Variants in PES1 observed in about 807,000 individuals in gnomAD.
The protein encoded by PES1 is pescadillo homolog.
In PES1, 31 loss-of-function variants were observed where a neutral mutation model predicts 77.1. The ratio of observed to expected loss-of-function variants is 0.40; its 90% confidence interval spans 0.30 to 0.54. PES1 has a LOEUF of 0.54. Ranked by LOEUF, PES1 falls within the 20% of genes least tolerant of loss-of-function variation. The pLI is 0.45. For missense variants in PES1, 658 were observed against 771.7 expected, an observed-to-expected ratio of 0.85 and a Z score of 1.75; for synonymous variants, 282 against 303.0, an observed-to-expected ratio of 0.93 and a Z score of 0.72.
intron 2 of PES1, among the ~76,000 whole-genome samples, chr22:30,599,483 C>T (rs1036673997): frequency 6.6e-6 from 1 of 152,096 alleles, no homozygotes; most frequent in Admixed American, 6.5e-5. Context: ...GAGTTATCAA[C>T]AAAATAAGTA....
chr22:30,606,728 T>A (rs1418295658), intron 1 of PES1: 54 of 47,864 alleles, frequency 1.1e-3, no homozygotes, highest in East Asian at 1.3e-3. Context: ...ACTGCCCAAC[T>A]CCCCCACCCC....
exon 1 of PES1, chr22:30,607,004 C>G: frequency 3.2e-6 from 2 of 619,420 alleles, no homozygotes; most frequent in Non-Finnish European, 4.9e-6. Flanking sequence ...GCGCTGGTCC[C>G]GGGCTCTTTA....
At chr22:30,577,674 G>T (rs1188705296) in intron 14 of PES1, among the ~76,000 whole-genome samples, 2 of 151,544 alleles carry the variant, frequency 1.3e-5, no homozygotes, top group Non-Finnish European at 2.9e-5. Flanking sequence ...TTTTTTTTGG[G>T]GGGTAGAGAC....
intron 2 of PES1, among the ~76,000 whole-genome samples, chr22:30,600,934 G>A (rs764129259): frequency 5.9e-5 from 9 of 151,984 alleles, no homozygotes; most frequent in Non-Finnish European, 1.2e-4. Context: ...TGGCTGGATC[G>A]ATCTCTCTCT....
Position 30,581,119 on chromosome 22 carries a change from G to A in PES1, c.823-18C>T, listed in dbSNP as rs1201046465. On this transcript the variant is annotated intron_variant, in intron 8 of 14. Transcript: ENST00000354694. ...GCCAGTTTCTACAGGAGAGAAGGGGGCTGCTTGCAGTGGGGGACCTCATGC... is the reference window on the plus strand; with the variant it reads ...GCCAGTTTCTACAGGAGAGAAGGGGACTGCTTGCAGTGGGGGACCTCATGC... The A allele has an allele frequency of 2.5e-6, 4 of 1,589,340 alleles. No individual in the cohort carries two copies. The highest frequency in any genetic ancestry group is 1.3e-5 in the African/African-American group (1 of 74,578).
upstream of PES1, among the ~76,000 whole-genome samples, chr22:30,594,745 G>A (rs1284854506): frequency 6.6e-6 from 1 of 151,994 alleles, no homozygotes; most frequent in African/African-American, 2.4e-5. Flanking sequence ...GAGTGGGGAG[G>A]ATCACTTGAG....
chr22:30,580,556 C>T lies in PES1; in HGVS notation c.1043+15G>A. On this transcript the variant is annotated intron_variant, in intron 10 of 14. Transcript: ENST00000354694. ...GCCGAACCAATGCTGTCAGCGGGCC[C>T]TTGAGCCTCCCTACCTGATGATGAA... The T allele has an allele frequency of 2.5e-6, 4 of 1,613,572 alleles. No homozygotes were observed. The highest frequency in any genetic ancestry group is 2.5e-6 in the Non-Finnish European group (3 of 1,179,884).
At position 30,588,110 on chromosome 22, in the gene PES1, C is replaced by A; in HGVS notation, c.169G>T (p.Gly57Cys). ...EPKHKKKVNK[G>C]STAARTFYLI... ...TAAAACGTTCGGGCTGCTGTAGAAC[C>A]CTTGTTAACCTTCTTCTTGTGTTTG... Residue 57 changes from glycine to cysteine, a missense_variant, in exon 3 of 15, where the codon GGT becomes TGT. Transcript: ENST00000354694. 6.2e-7 allele frequency: 1 copy of A among 1,614,164 alleles called. No individual in the cohort carries two copies. The highest frequency in any genetic ancestry group is 8.5e-7 in the Non-Finnish European group (1 of 1,180,034).
intron 2 of PES1, among the ~76,000 whole-genome samples, chr22:30,600,404 C>T (rs2087337318): frequency 6.6e-6 from 1 of 152,150 alleles, no homozygotes; most frequent in Non-Finnish European, 1.5e-5. Context: ...AACTCTTGGC[C>T]AGGCGTGGTG....
intron 6 of PES1, among the ~76,000 whole-genome samples, 165 bp from the exon 7 acceptor site, chr22:30,581,809 C>T (rs1374175822): frequency 6.6e-6 from 1 of 152,200 alleles, no homozygotes; most frequent in Non-Finnish European, 1.5e-5. Flanking sequence ...TGGCATGGAT[C>T]TTCCCACCAG....
Position 30,580,700 on chromosome 22 carries a change from T to C in PES1, c.914A>G (p.Glu305Gly). Residue 305 changes from glutamate to glycine, a missense_variant and splice_region_variant, in exon 10 of 15, where the codon GAG becomes GGG. Glu to Gly is a moderately conservative substitution (Grantham distance 98). Coordinates refer to ENST00000354694, the MANE Select transcript of PES1 (RefSeq NM_014303.4). ...AEVDEFPTDGEMSAQEEDRRK... is the reference protein window; with the variant it reads ...AEVDEFPTDGGMSAQEEDRRK... ...GCGGTCTTCCTCCTGCGCTGACATCTCCTGTTGAGAAAGGGGCCAGGCCTC... is the reference window on the plus strand; with the variant it reads ...GCGGTCTTCCTCCTGCGCTGACATCCCCTGTTGAGAAAGGGGCCAGGCCTC... 3 of 1,613,086 alleles carry C rather than the reference T, an allele frequency of 1.9e-6. No individual in the cohort carries two copies. The highest frequency in any genetic ancestry group is 2.5e-6 in the Non-Finnish European group (3 of 1,179,990).
upstream of PES1, among the ~76,000 whole-genome samples, chr22:30,595,123 T>G (rs763296932): frequency 1.3e-5 from 2 of 152,204 alleles, no homozygotes; most frequent in African/African-American, 2.4e-5. Flanking sequence ...TTCCTCCTGT[T>G]GCCCTGGACA....
intron 1 of PES1, among the ~76,000 whole-genome samples, chr22:30,590,677 G>GT (rs1300313204): frequency 6.6e-6 from 1 of 152,168 alleles, no homozygotes; most frequent in Non-Finnish European, 1.5e-5. Context: ...GTGCTGGGGG[G>GT]AGGAGAGTTC....
chr22:30,580,290 C>T, intron 10 of PES1, 112 bp from the exon 11 acceptor site: 2 of 1,341,018 alleles, frequency 1.5e-6, no homozygotes, highest in Non-Finnish European at 2.0e-6. Context: ...CCTCTTAGGA[C>T]ACAATTACCC....
At chr22:30,581,985 C>T (rs181089439) in intron 6 of PES1, among the ~76,000 whole-genome samples, 2 of 152,348 alleles carry the variant, frequency 1.3e-5, no homozygotes, top group East Asian at 1.9e-4. Context: ...CTCCCTGCTC[C>T]GGCTCTCCCA....
intron 2 of PES1, among the ~76,000 whole-genome samples, chr22:30,600,527 A>G (rs1177451224): frequency 6.6e-6 from 1 of 151,986 alleles, no homozygotes; most frequent in Non-Finnish European, 1.5e-5. Context: ...TATTAAATAT[A>G]AAAATAAGGC....
At chr22:30,601,650 G>A (rs2087355858) in intron 2 of PES1, among the ~76,000 whole-genome samples, 1 of 151,938 alleles carries the variant, frequency 6.6e-6, no homozygotes, top group African/African-American at 2.4e-5. Context: ...GGCTCACTTA[G>A]TTTTATCACT....
Position 30,576,637 on chromosome 22 carries a change from A to C in PES1, c.*409T>G, listed in dbSNP as rs545684911. ...CATGGACACAAAATGCAATTGGCACAAAAGTCCAGTCATTTAATAACAAAT... is the reference window on the plus strand; with the variant it reads ...CATGGACACAAAATGCAATTGGCACCAAAGTCCAGTCATTTAATAACAAAT... On this transcript the variant is annotated 3_prime_UTR_variant, in exon 15 of 15. Coordinates refer to ENST00000354694, the MANE Select transcript of PES1 (RefSeq NM_014303.4). 187 of 202,850 alleles carry C rather than the reference A, an allele frequency of 9.2e-4. No homozygotes were observed. The highest frequency in any genetic ancestry group is 5.9e-3 in the Middle Eastern group (3 of 508). 12.6% of individuals were successfully genotyped at this position (202,850 alleles called of 1,614,324 possible).
rs201919075 is a variant in PES1 at position 30,581,144 on chromosome 22, C to T, written c.823-43G>A. ...GCTGCTTGCAGTGGGGGACCTCATG[C>T]GGGCATGTGGCCAGGGTGGGGAGGG... On this transcript the variant is annotated intron_variant, in intron 8 of 14. Transcript: ENST00000354694. The T allele has an allele frequency of 5.7e-5, 86 of 1,521,488 alleles. 1 individual carries two copies. The highest frequency in any genetic ancestry group is 8.3e-5 in the South Asian group (7 of 84,434). 94.2% of individuals were successfully genotyped at this position (1,521,488 alleles called of 1,614,324 possible).
Sources: gnomAD v4.1 joint callset for allele counts (sites outside exome capture counted in the v4.1 genomes callset) on GRCh38, gnomAD v4.1.1 for gene constraint, MANE v1.5 for transcripts, NCBI Gene and HGNC (gene_info 2026-07-23, HGNC 2026-07-21) for gene names.